Variants in DUSP16 observed in about 807,000 individuals in gnomAD.
DUSP16 encodes the protein dual specificity protein phosphatase 16.
In DUSP16, 21 loss-of-function variants were observed where a neutral mutation model predicts 58.3. That is an observed-to-expected ratio of 0.36 (90% CI 0.26 to 0.52). The LOEUF (loss-of-function observed/expected upper bound fraction) is 0.52, where lower values mean the gene tolerates loss of function less well. Among genes scored for constraint, DUSP16 ranks in the 20% least tolerant of loss-of-function variants. The pLI is 0.94. For synonymous variants in DUSP16, 320 were observed against 323.8 expected (o/e 0.99, Z 0.12); for missense variants, 726 against 819.0 (o/e 0.89, Z 1.39).
chr12:12,536,488 T>C (rs141627422), intron 1 of DUSP16, among the ~76,000 whole-genome samples: 1,854 of 152,308 alleles, frequency 0.012, 39 homozygotes, highest in African/African-American at 0.042. Context: ...CTCATGCATG[T>C]AATCCCAGCA....
intron 2 of DUSP16, 106 bp downstream of exon 2, chr12:12,520,765 A>C: frequency 7.3e-7 from 1 of 1,378,176 alleles, no homozygotes; most frequent in Non-Finnish European, 9.8e-7. Flanking sequence ...AAGCAACCAA[A>C]ACTTCCTCAA....
intron 1 of DUSP16, among the ~76,000 whole-genome samples, chr12:12,541,717 GA>G (rs1210108914): frequency 1.3e-5 from 2 of 152,144 alleles, no homozygotes; most frequent in Non-Finnish European, 2.9e-5. Flanking sequence ...AAATAACTGT[GA>G]AAAAAATTCT....
chr12:12,531,536 TA>T (rs1451759226), intron 1 of DUSP16, among the ~76,000 whole-genome samples: 3 of 152,098 alleles, frequency 2.0e-5, no homozygotes, highest in Admixed American at 2.0e-4. Flanking sequence ...TGGAACGTAG[TA>T]AAATATCAAA....
At chr12:12,541,533 T>C (rs1179246857) in intron 1 of DUSP16, among the ~76,000 whole-genome samples, 1 of 152,200 alleles carries the variant, frequency 6.6e-6, no homozygotes, top group Non-Finnish European at 1.5e-5. Context: ...TGGCATAAAT[T>C]CTCAGGAGTT....
intron 1 of DUSP16, among the ~76,000 whole-genome samples, chr12:12,552,064 T>C (rs556992851): frequency 2.8e-4 from 43 of 152,318 alleles, no homozygotes; most frequent in African/African-American, 9.9e-4. Context: ...CAAAGATCCA[T>C]TCAAAGTGCA....
rs1565957481 is a variant in DUSP16, at chr12:12,474,095, C to G, written c.*2738G>C. ...CGGAATAAACCTGATGACACCACCACTTTATTTTGAGCTAAATCCTCATTT... is the reference window on the plus strand; with the variant it reads ...CGGAATAAACCTGATGACACCACCAGTTTATTTTGAGCTAAATCCTCATTT... On this transcript the variant is annotated 3_prime_UTR_variant, in exon 7 of 7. Transcript: ENST00000298573. The G allele has an allele frequency of 6.6e-6, 1 of 152,242 alleles. No individual in the cohort carries two copies. The highest frequency in any genetic ancestry group is 2.1e-4 in the South Asian group (1 of 4,830). 9.4% of individuals were successfully genotyped at this position (152,242 alleles called of 1,614,324 possible). A position where few individuals can be genotyped will look rare whatever the true frequency, so the allele number is the denominator to read the frequency against.
At chr12:12,558,626 T>C (rs567466392) in intron 1 of DUSP16, among the ~76,000 whole-genome samples, 1 of 152,300 alleles carries the variant, frequency 6.6e-6, no homozygotes, top group Admixed American at 6.5e-5. Flanking sequence ...GTGATCCTCC[T>C]GCCTTAGCCT....
At chr12:12,560,885 T>A (rs891932621) in intron 1 of DUSP16, 3 of 149,954 alleles carry the variant, frequency 2.0e-5, no homozygotes, top group African/African-American at 4.9e-5. Context: ...TAAAGAGGCA[T>A]TTTTCTGACA....
chr12:12,553,259 A>G (rs1476300206), intron 1 of DUSP16, among the ~76,000 whole-genome samples: 1 of 152,182 alleles, frequency 6.6e-6, no homozygotes, highest in Non-Finnish European at 1.5e-5. Context: ...AGTTTATAGT[A>G]CCACAAAAAA....
At chr12:12,538,160 G>A (rs1284736205) in intron 1 of DUSP16, among the ~76,000 whole-genome samples, 1 of 152,134 alleles carries the variant, frequency 6.6e-6, no homozygotes, top group African/African-American at 2.4e-5. Flanking sequence ...GCGCCACCAC[G>A]CCTGGCTAAA....
chr12:12,551,272 C>A (rs145474587), intron 1 of DUSP16, among the ~76,000 whole-genome samples: 106 of 151,950 alleles, frequency 7.0e-4, no homozygotes, highest in African/African-American at 2.5e-3. Context: ...GAAGCCTAGG[C>A]AGGCAGATCA....
chr12:12,553,985 G>A (rs2136271012), intron 1 of DUSP16, among the ~76,000 whole-genome samples: 1 of 152,180 alleles, frequency 6.6e-6, no homozygotes, highest in East Asian at 1.9e-4. Context: ...ATCACTTGAA[G>A]TCAGGAGTTT....
chr12:12,561,264 A>G (rs1944898583), intron 1 of DUSP16: 1 of 152,212 alleles, frequency 6.6e-6, no homozygotes, highest in South Asian at 2.1e-4. Context: ...GCTTTCTCCA[A>G]TCTGAGACAC....
intron 3 of DUSP16, among the ~76,000 whole-genome samples, chr12:12,505,285 C>T (rs1943976075): frequency 6.6e-6 from 1 of 152,202 alleles, no homozygotes; most frequent in Non-Finnish European, 1.5e-5. Flanking sequence ...TCATGGGGTC[C>T]TGGCCTCCCC....
intron 4 of DUSP16, among the ~76,000 whole-genome samples, chr12:12,495,754 C>G (rs541803654): frequency 1.3e-5 from 2 of 152,322 alleles, no homozygotes; most frequent in Non-Finnish European, 2.9e-5. Context: ...TTTCTGAAGT[C>G]AATTCCATGA....
intron 5 of DUSP16, among the ~76,000 whole-genome samples, chr12:12,482,123 T>G (rs1349023204): frequency 6.6e-6 from 1 of 152,208 alleles, no homozygotes; most frequent in Non-Finnish European, 1.5e-5. Context: ...GACAATACTC[T>G]CTCATTAATT....
At chr12:12,484,981 G>C (rs1324968939) in intron 5 of DUSP16, among the ~76,000 whole-genome samples, 1 of 150,464 alleles carries the variant, frequency 6.6e-6, no homozygotes, top group South Asian at 2.1e-4. Context: ...ATGGGAGGGT[G>C]TGTGTTAACT....
chr12:12,482,996 C>T (rs934106461), intron 5 of DUSP16, among the ~76,000 whole-genome samples: 10 of 152,152 alleles, frequency 6.6e-5, no homozygotes, highest in African/African-American at 1.9e-4. Context: ...TGATTACACA[C>T]GCTGCACCTG....
intron 1 of DUSP16, among the ~76,000 whole-genome samples, chr12:12,538,651 G>C (rs576805893): frequency 6.7e-4 from 102 of 152,214 alleles, no homozygotes; most frequent in Middle Eastern, 3.4e-3. Flanking sequence ...TGGCTGTGGA[G>C]AGTTGCCCTC....
Sources: allele counts gnomAD v4.1 joint callset (sites outside exome capture counted in the v4.1 genomes callset), GRCh38; gene constraint gnomAD v4.1.1; transcripts MANE v1.5; gene names NCBI Gene and HGNC (gene_info 2026-07-23, HGNC 2026-07-21).